Variants in NFKBIB observed in about 807,000 individuals in gnomAD.
The protein encoded by NFKBIB is NF-kappa-B inhibitor beta.
A neutral mutation model predicts 32.1 loss-of-function variants in NFKBIB; 16 were observed. That is an observed-to-expected ratio of 0.50 (90% CI 0.34 to 0.76). The LOEUF (loss-of-function observed/expected upper bound fraction) is 0.76. Ranked by LOEUF, NFKBIB falls within the 30% of genes least tolerant of loss-of-function variation. The pLI is 0.01. For missense variants in NFKBIB, 437 were observed against 514.9 expected (o/e 0.85, Z 1.46); for synonymous variants, 222 against 219.5 (o/e 1.01, Z -0.10).
chr19:38,907,338 T>A (rs747048893), intron 4 of NFKBIB, 29 bp downstream of exon 4: 1 of 1,606,628 alleles, frequency 6.2e-7, no homozygotes, highest in South Asian at 1.1e-5. Context: ...GAAGATGCCG[T>A]CGGCGGGAGG....
chr19:38,907,558 G>C lies in NFKBIB; in HGVS notation c.868G>C (p.Ala290Pro). The stretch of plus-strand genomic sequence containing the variant: ...CATGCTCCGGCCCAACCCCATCCTC[G>C]CCCGCCTCCTCCGTGCACACGGAGC... ...SAMLRPNPIL[A>P]RLLRAHGAPE... Residue 290 changes from alanine to proline, a missense_variant, in exon 5 of 6, where the codon GCC (alanine) becomes CCC (proline). Physicochemically the swap from Ala to Pro is conservative, Grantham distance 27. Coordinates refer to ENST00000313582, the MANE Select transcript of NFKBIB (RefSeq NM_002503.5). 1 of 1,612,452 alleles carries C rather than the reference G, an allele frequency of 6.2e-7. No homozygotes were observed. Among genetic ancestry groups the C allele is most frequent in the Non-Finnish European group, 8.5e-7 (1 of 1,179,640 alleles).
At chr19:38,907,350 G>C (rs1199306982) in intron 4 of NFKBIB, 41 bp downstream of exon 4, 1 of 1,602,876 alleles carries the variant, frequency 6.2e-7, no homozygotes, top group African/African-American at 1.3e-5. Context: ...GGCGGGAGGG[G>C]GCTTGTCCCC....
chr19:38,899,885 G>C, upstream of NFKBIB: 2 of 828,980 alleles, frequency 2.4e-6, no homozygotes, highest in South Asian at 3.6e-5. Flanking sequence ...TGCAGTACGA[G>C]GGCGGGGTGT....
rs1032681735 is a variant in NFKBIB at position 38,905,655 on chromosome 19, G to A, written c.619+120G>A. The A allele has an allele frequency of 8.9e-6, 7 of 790,380 alleles. No individual in the cohort carries two copies. Among genetic ancestry groups the A allele is most frequent in the Non-Finnish European group, 2.0e-6 (1 of 502,072 alleles). The allele number at this position is 790,380 out of a possible 1,614,324, so 49.0% of individuals were successfully genotyped here. Reference sequence around the variant, plus strand: ...GGGAAATCATGCCTAGGCTTCAGGAGCCCACACATCGGGACCAGGGACCTC... The same window carrying A: ...GGGAAATCATGCCTAGGCTTCAGGAACCCACACATCGGGACCAGGGACCTC... On this transcript the variant is annotated intron_variant, in intron 3 of 5. Transcript: ENST00000313582. This position sits in a 1 kb window ranked among gnomAD's most constrained non-coding sequence, Gnocchi z 5.5.
rs1445726510 is a variant in NFKBIB, at chr19:38,905,501, C to T, written c.585C>T (p.Asp195=). 6.2e-7 allele frequency: 1 copy of T among 1,611,948 alleles called. No homozygotes were observed. The highest frequency in any genetic ancestry group is 2.2e-5 in the East Asian group (1 of 44,864). ...LEKEEEESEE[D]WKLQLEAENY... Reference sequence around the variant, plus strand: ...AGGAAGAAGAGGAGAGTGAGGAGGACTGGAAGCTGCAGCTGGAGGCTGAAA... The same window carrying T: ...AGGAAGAAGAGGAGAGTGAGGAGGATTGGAAGCTGCAGCTGGAGGCTGAAA... Residue 195 remains aspartate (D), a synonymous_variant, in exon 3 of 6, where the codon GAC becomes GAT. Transcript: ENST00000313582. This position sits in a 1 kb window ranked among gnomAD's most constrained non-coding sequence, Gnocchi z 5.5.
Position 38,908,748 on chromosome 19 carries a change from T to C in NFKBIB, c.987T>C (p.Ile329=). The C allele has an allele frequency of 6.2e-7, 1 of 1,613,472 alleles. No individual in the cohort carries two copies. ...GCCCCCAGGATGAATACGACGACAT[T>C]GTGGTTCACAGCAGCCGCAGCCAAA... The part of the protein sequence containing the change: ...SGDEGDEYDD[I]VVHSSRSQTR... Residue 329 remains isoleucine, a synonymous_variant, in exon 6 of 6, where the codon ATT becomes ATC. Coordinates refer to ENST00000313582, the MANE Select transcript of NFKBIB (RefSeq NM_002503.5).
At chr19:38,901,616 C>T (rs528963000) in intron 1 of NFKBIB, among the ~76,000 whole-genome samples, 1 of 152,224 alleles carries the variant, frequency 6.6e-6, no homozygotes, top group East Asian at 1.9e-4. Context: ...GCCTCAGCCT[C>T]CCAAATTTGG....
intron 3 of NFKBIB, 74 bp from the exon 4 acceptor site, chr19:38,907,147 C>G (rs1049328433): frequency 7.3e-7 from 1 of 1,367,094 alleles, no homozygotes; most frequent in Non-Finnish European, 1.0e-6. Context: ...ACATGACCCT[C>G]CCCCAGGATC....
chr19:38,905,661 A>G lies in NFKBIB; in HGVS notation c.619+126A>G. The G allele has an allele frequency of 1.4e-6, 1 of 699,400 alleles. No homozygotes were observed. The highest frequency in any genetic ancestry group is 2.4e-6 in the Non-Finnish European group (1 of 424,968). 43.3% of individuals were successfully genotyped at this position (699,400 alleles called of 1,614,324 possible). A position where few individuals can be genotyped will look rare whatever the true frequency, so the allele number is the denominator to read the frequency against. ...TCATGCCTAGGCTTCAGGAGCCCACACATCGGGACCAGGGACCTCCACTCA... is the reference window on the plus strand; with the variant it reads ...TCATGCCTAGGCTTCAGGAGCCCACGCATCGGGACCAGGGACCTCCACTCA... On this transcript the variant is annotated intron_variant, in intron 3 of 5. Coordinates refer to ENST00000313582, the MANE Select transcript of NFKBIB (RefSeq NM_002503.5). The surrounding 1 kb of genome is among the most constrained non-coding windows in gnomAD (Gnocchi z 5.5).
At position 38,907,468 on chromosome 19, in the gene NFKBIB, C is replaced by G. The variant is rs1974172312; in HGVS notation, c.778C>G (p.Leu260Val). ...EAQAADVLEL[L>V]LRAGANPAAR... ...CCAGGCAGCCGATGTGCTGGAGCTT[C>G]TCCTGAGGGCAGGCGCGAACCCTGC... Residue 260 changes from leucine (L) to valine (V), a missense_variant, in exon 5 of 6, where the codon CTC becomes GTC. Physicochemically the swap from Leu to Val is conservative, Grantham distance 32 (BLOSUM62 1). Transcript: ENST00000313582. The G allele has an allele frequency of 6.2e-7, 1 of 1,610,398 alleles. No individual in the cohort carries two copies.
intron 1 of NFKBIB, 80 bp downstream of exon 1, chr19:38,900,291 C>G (rs2053071): frequency 0.37 from 524,424 of 1,409,268 alleles, 102,496 homozygotes; most frequent in East Asian, 0.59. Context: ...CCTGAGGCTT[C>G]CTAACCTCAT....
intron 1 of NFKBIB, 69 bp from the exon 2 acceptor site, chr19:38,904,946 C>G: frequency 6.9e-7 from 1 of 1,456,486 alleles, no homozygotes; most frequent in East Asian, 2.3e-5. Flanking sequence ...GTAGGCGCCC[C>G]ATGTTTGTTC....
intron 1 of NFKBIB, among the ~76,000 whole-genome samples, chr19:38,904,181 T>C (rs1026371581): frequency 4.6e-5 from 7 of 152,198 alleles, no homozygotes. Context: ...TTTCCAGTTT[T>C]GCTTTTATGA....
At chr19:38,900,765 T>C (rs537557947) in intron 1 of NFKBIB, among the ~76,000 whole-genome samples, 99 of 152,298 alleles carry the variant, frequency 6.5e-4, no homozygotes, top group Middle Eastern at 3.4e-3. Context: ...ATTCATCTGT[T>C]AAACAAATAT....
At chr19:38,906,927 A>C (rs1028380235) in intron 3 of NFKBIB, among the ~76,000 whole-genome samples, 5 of 152,176 alleles carry the variant, frequency 3.3e-5, no homozygotes, top group African/African-American at 1.2e-4. Context: ...ATAAGAGCAG[A>C]GACTTGGGTC....
intron 3 of NFKBIB, among the ~76,000 whole-genome samples, chr19:38,907,015 C>G (rs1974147648): frequency 6.6e-6 from 1 of 152,226 alleles, no homozygotes; most frequent in African/African-American, 2.4e-5. Flanking sequence ...CTTCAAACAA[C>G]TCAGGCACTA....
intron 1 of NFKBIB, among the ~76,000 whole-genome samples, chr19:38,904,251 G>A (rs1974047954): frequency 1.3e-5 from 2 of 152,022 alleles, no homozygotes; most frequent in Non-Finnish European, 2.9e-5. Flanking sequence ...CACTATTGAG[G>A]CAAGACCTTC....
rs548304325 is a variant in NFKBIB, at chr19:38,905,624, C to T, written c.619+89C>T. ...TCAGCTTCCCTGATTTGAGACTGAG[C>T]TCCTTGGGAAATCATGCCTAGGCTT... On this transcript the variant is annotated intron_variant, in intron 3 of 5. Coordinates refer to ENST00000313582, the MANE Select transcript of NFKBIB (RefSeq NM_002503.5). This position sits in a 1 kb window ranked among gnomAD's most constrained non-coding sequence, Gnocchi z 5.5. The T allele has an allele frequency of 2.5e-5, 27 of 1,072,228 alleles. 1 individual carries two copies. The South Asian group carries it at 4.2e-4, about 17-fold the overall frequency. The allele number at this position is 1,072,228 out of a possible 1,614,324, so 66.4% of individuals were successfully genotyped here.
Position 38,907,259 on chromosome 19 carries a change from G to T in NFKBIB, c.658G>T (p.Val220Leu). The change falls in exon 4 of 6, where the codon GTG becomes TTG. Residue 220 changes from valine to leucine, a missense_variant. Val to Leu is a conservative substitution (Grantham distance 32). Transcript: ENST00000313582. Reference sequence around the variant, plus strand: ...CCACGTGGCCGTTATCCACAAAGATGTGGAGATGGTCCGGCTGCTCCGAGA... The same window carrying T: ...CCACGTGGCCGTTATCCACAAAGATTTGGAGATGGTCCGGCTGCTCCGAGA... ...PLHVAVIHKD[V>L]EMVRLLRDAG... 3 of 1,613,620 alleles carry T rather than the reference G, an allele frequency of 1.9e-6. No individual in the cohort carries two copies. The highest frequency in any genetic ancestry group is 2.2e-5 in the South Asian group (2 of 91,058).
Sources: allele counts gnomAD v4.1 joint callset (sites outside exome capture counted in the v4.1 genomes callset), GRCh38; gene constraint gnomAD v4.1.1; non-coding constraint Gnocchi (gnomAD v3.1); transcripts MANE v1.5; gene names NCBI Gene and HGNC (gene_info 2026-07-23, HGNC 2026-07-21).